Variants in KIAA0825 observed in about 807,000 individuals in gnomAD.
KIAA0825 encodes uncharacterized protein KIAA0825.
KIAA0825 carries 119 observed loss-of-function variants against 147.6 expected under a neutral mutation model. The ratio of observed to expected loss-of-function variants is 0.81; its 90% CI spans 0.69 to 0.94. The LOEUF is 0.94. Ranked by LOEUF, KIAA0825 falls within the 40% of genes least tolerant of loss-of-function variation. The probability of loss-of-function intolerance (pLI) is 0.00; values close to 1 mark genes in which losing one functional copy is unlikely to be tolerated. For missense variants in KIAA0825, 1,381 were observed against 1,472.7 expected (o/e 0.94, Z 1.02); for synonymous variants, 470 against 518.1 (o/e 0.91, Z 1.26).
intron 5 of KIAA0825, among the ~76,000 whole-genome samples, chr5:94,499,374 T>C (rs1043567765): frequency 6.6e-6 from 1 of 152,170 alleles, no homozygotes; most frequent in Non-Finnish European, 1.5e-5. Context: ...CAGCAGAAAG[T>C]GAATACTGTT....
At chr5:94,199,080 G>C (rs538555636) in intron 20 of KIAA0825, among the ~76,000 whole-genome samples, 1 of 152,230 alleles carries the variant, frequency 6.6e-6, no homozygotes, top group South Asian at 2.1e-4. Flanking sequence ...ACCATTGGTG[G>C]GGAGCTAGTA....
intron 20 of KIAA0825, among the ~76,000 whole-genome samples, chr5:94,277,653 TTGG>T (rs1777279760): frequency 6.6e-6 from 1 of 152,302 alleles, no homozygotes; most frequent in Non-Finnish European, 1.5e-5. Flanking sequence ...TTTTACACTG[TTGG>T]TGGGAGTGTA....
intron 20 of KIAA0825, among the ~76,000 whole-genome samples, chr5:94,279,601 A>T (rs2150152936): frequency 6.6e-6 from 1 of 151,686 alleles, no homozygotes; most frequent in Non-Finnish European, 1.5e-5. Context: ...ATCTCTACTT[A>T]CTCAATCTTA....
intron 20 of KIAA0825, among the ~76,000 whole-genome samples, chr5:94,356,441 A>C (rs1421172660): frequency 6.6e-6 from 1 of 151,336 alleles, no homozygotes; most frequent in Admixed American, 6.6e-5. Context: ...CCCCGTCTCT[A>C]CTAAAAATAC....
intron 14 of KIAA0825, among the ~76,000 whole-genome samples, chr5:94,437,210 T>C (rs1173828307): frequency 2.6e-5 from 4 of 152,126 alleles, no homozygotes; most frequent in African/African-American, 9.7e-5. Flanking sequence ...TCTAAAAATA[T>C]TACAAATTAA....
rs577567764 is a variant in KIAA0825, at chr5:94,269,646, A to G, written c.3710+114722T>C. On this transcript the variant is annotated intron_variant, in intron 20 of 20. Transcript: ENST00000682413. Reference sequence around the variant, plus strand: ...ATGGAAACACGACATACCAAAACCTATGGGATACAGTGAAAACAGTACTAA... The same window carrying G: ...ATGGAAACACGACATACCAAAACCTGTGGGATACAGTGAAAACAGTACTAA... Among the ~76,000 whole-genome samples the G allele has an allele frequency of 5.9e-5, 9 of 152,180 alleles. No homozygotes were observed. In the South Asian group the frequency reaches 1.9e-3, roughly 32 times the overall value.
chr5:94,395,974 A>G, intron 17 of KIAA0825, 127 bp downstream of exon 17: 4 of 823,160 alleles, frequency 4.9e-6, no homozygotes, highest in Non-Finnish European at 7.0e-6. Context: ...TTTTATATTC[A>G]TCAAAGCTGC....
At chr5:94,305,172 C>A (rs1156699552) in intron 20 of KIAA0825, among the ~76,000 whole-genome samples, 1 of 151,944 alleles carries the variant, frequency 6.6e-6, no homozygotes, top group Non-Finnish European at 1.5e-5. Context: ...GTTTTCATAA[C>A]ACATTTTGTA....
At chr5:94,282,099 C>A (rs185877891) in intron 20 of KIAA0825, among the ~76,000 whole-genome samples, 3 of 152,044 alleles carry the variant, frequency 2.0e-5, no homozygotes, top group Non-Finnish European at 4.4e-5. Flanking sequence ...AGACTATAAA[C>A]CCATTGACAG....
chr5:94,528,319 G>A (rs1769771109), intron 3 of KIAA0825, among the ~76,000 whole-genome samples: 1 of 152,098 alleles, frequency 6.6e-6, no homozygotes, highest in Non-Finnish European at 1.5e-5. Context: ...TTTACTATGA[G>A]CAACACAGTA....
At chr5:94,251,262 A>T (rs1342979894) in intron 20 of KIAA0825, among the ~76,000 whole-genome samples, 1 of 152,142 alleles carries the variant, frequency 6.6e-6, no homozygotes, top group Non-Finnish European at 1.5e-5. Context: ...GTAAAAGAAC[A>T]TCTTAATATA....
At chr5:94,400,171 A>C (rs142073811) in intron 16 of KIAA0825, among the ~76,000 whole-genome samples, 2 of 152,292 alleles carry the variant, frequency 1.3e-5, no homozygotes, top group East Asian at 3.9e-4. Context: ...AAATTTGACT[A>C]ACAAATATCC....
At chr5:94,530,462 CT>C (rs1460101109) in intron 3 of KIAA0825, among the ~76,000 whole-genome samples, 8 of 151,936 alleles carry the variant, frequency 5.3e-5, no homozygotes, top group Admixed American at 4.6e-4. Context: ...AAGAAAAGTC[CT>C]TAAAGTAGAA....
chr5:94,528,695 T>C (rs993674355), intron 3 of KIAA0825, among the ~76,000 whole-genome samples: 1 of 152,026 alleles, frequency 6.6e-6, no homozygotes, highest in Admixed American at 6.6e-5. Flanking sequence ...AGGGCTATGT[T>C]AATAATATAA....
intron 5 of KIAA0825, among the ~76,000 whole-genome samples, chr5:94,514,905 A>T (rs554840692): frequency 6.6e-6 from 1 of 152,312 alleles, no homozygotes; most frequent in South Asian, 2.1e-4. Context: ...GGACTATGAA[A>T]AAAAAGGTGT....
At chr5:94,262,980 A>G (rs1410788878) in intron 20 of KIAA0825, among the ~76,000 whole-genome samples, 3 of 152,110 alleles carry the variant, frequency 2.0e-5, no homozygotes, top group African/African-American at 4.8e-5. Flanking sequence ...TATGCTCCCT[A>G]GAAATGGACA....
At chr5:94,397,587 T>G (rs1750836872) in intron 16 of KIAA0825, among the ~76,000 whole-genome samples, 1 of 152,218 alleles carries the variant, frequency 6.6e-6, no homozygotes, top group Non-Finnish European at 1.5e-5. Flanking sequence ...TCTTCTTCTC[T>G]GTATCAGGGT....
chr5:94,351,434 A>T (rs1183155178), intron 20 of KIAA0825, among the ~76,000 whole-genome samples: 1 of 152,218 alleles, frequency 6.6e-6, no homozygotes, highest in African/African-American at 2.4e-5. Context: ...TGAAAGAAAT[A>T]ATAGATGACA....
intron 20 of KIAA0825, among the ~76,000 whole-genome samples, chr5:94,319,114 G>T (rs1779928331): frequency 1.3e-5 from 2 of 151,874 alleles, no homozygotes; most frequent in Non-Finnish European, 1.5e-5. Context: ...TGAAGCCAGG[G>T]GCTGGCTGTA....
Sources: allele counts gnomAD v4.1 joint callset (sites outside exome capture counted in the v4.1 genomes callset), GRCh38; gene constraint gnomAD v4.1.1; transcripts MANE v1.5; gene names NCBI Gene and HGNC (gene_info 2026-07-23, HGNC 2026-07-21).